Variants in SAMD12 observed in about 807,000 individuals in gnomAD.
SAMD12 encodes sterile alpha motif domain-containing protein 12.
Under a neutral mutation model 15.0 loss-of-function variants are expected in SAMD12, and 9 were observed. The observed-to-expected ratio is 0.60, with a 90% CI of 0.36 to 1.05. The LOEUF (loss-of-function observed/expected upper bound fraction) is 1.05. Among genes scored for constraint, SAMD12 ranks in the 50% least tolerant of loss-of-function variants. The probability of loss-of-function intolerance (pLI) is 0.01; values close to 1 mark genes in which losing one functional copy is unlikely to be tolerated. For synonymous variants in SAMD12, 86 were observed against 90.1 expected (o/e 0.96, Z 0.25); for missense variants, 230 against 234.2 (o/e 0.98, Z 0.12).
intron 4 of SAMD12, among the ~76,000 whole-genome samples, chr8:118,301,360 C>T (rs985931890): frequency 1.3e-5 from 2 of 152,062 alleles, no homozygotes; most frequent in Non-Finnish European, 2.9e-5. Flanking sequence ...TTCTCTTGAC[C>T]CATTGACTAA....
At chr8:118,138,921 C>T in the SAMD12 span, among the ~76,000 whole-genome samples, 1 of 152,198 alleles carries the variant, frequency 6.6e-6, no homozygotes, top group African/African-American at 2.4e-5. Context: ...AATACCGACA[C>T]TAAGGAGAGT....
chr8:118,227,179 G>A (rs1353982981), intron 4 of SAMD12, among the ~76,000 whole-genome samples: 1 of 152,146 alleles, frequency 6.6e-6, no homozygotes, highest in Non-Finnish European at 1.5e-5. Context: ...GAAATACTGT[G>A]CTGCCATAAA....
At chr8:118,189,453 G>C (rs538174194), downstream of SAMD12, 11 of 152,002 alleles carry the variant, frequency 7.2e-5, no homozygotes, top group Non-Finnish European at 1.2e-4. Flanking sequence ...GAATCAAAAC[G>C]CTTTTACACG....
chr8:118,551,650 A>T (rs1826338724), intron 2 of SAMD12, among the ~76,000 whole-genome samples: 2 of 151,552 alleles, frequency 1.3e-5, no homozygotes, highest in South Asian at 4.2e-4. Context: ...TTCAAAAGCT[A>T]GCAGAAGGCA....
chr8:118,309,378 A>ATGTG (rs1360473888), intron 4 of SAMD12, among the ~76,000 whole-genome samples: 12 of 118,344 alleles, frequency 1.0e-4, no homozygotes, highest in African/African-American at 4.2e-4. Flanking sequence ...TTTGAGATAT[A>ATGTG]TATGTGTGTG....
At chr8:118,376,299 T>C (rs947053164), downstream of SAMD12, among the ~76,000 whole-genome samples, 1 of 152,194 alleles carries the variant, frequency 6.6e-6, no homozygotes, top group Non-Finnish European at 1.5e-5. Flanking sequence ...TCAAAATTTA[T>C]GTATTGAAAT....
chr8:118,227,761 G>A (rs1171950473), intron 4 of SAMD12, among the ~76,000 whole-genome samples: 1 of 152,080 alleles, frequency 6.6e-6, no homozygotes, highest in Non-Finnish European at 1.5e-5. Flanking sequence ...CCACACAAAA[G>A]CAGATCTCAA....
intron 4 of SAMD12, among the ~76,000 whole-genome samples, chr8:118,310,883 T>C (rs1046131920): frequency 1.3e-5 from 2 of 152,212 alleles, no homozygotes; most frequent in African/African-American, 2.4e-5. Flanking sequence ...AGATAGATAG[T>C]TTGTTGAGGG....
exon 5 of SAMD12, chr8:118,190,074 C>T (rs1042396762): frequency 6.6e-6 from 1 of 151,734 alleles, no homozygotes; most frequent in Admixed American, 6.6e-5. Context: ...TAACTACTCA[C>T]TTAAGGAAGT....
intron 4 of SAMD12, among the ~76,000 whole-genome samples, chr8:118,276,467 C>T (rs1050654221): frequency 5.9e-5 from 9 of 152,084 alleles, no homozygotes; most frequent in Non-Finnish European, 1.3e-4. Context: ...AATTTCTACC[C>T]TTTAGGTTCA....
At chr8:118,425,334 G>T (rs1822197812) in intron 3 of SAMD12, among the ~76,000 whole-genome samples, 1 of 152,062 alleles carries the variant, frequency 6.6e-6, no homozygotes, top group Non-Finnish European at 1.5e-5. Flanking sequence ...CCAAAAACAT[G>T]CAAAACCAAA....
chr8:118,461,849 G>C (rs1025276831), intron 2 of SAMD12, among the ~76,000 whole-genome samples: 1 of 152,160 alleles, frequency 6.6e-6, no homozygotes, highest in Non-Finnish European at 1.5e-5. Context: ...GGCTAGTTTT[G>C]CTTTATTGAA....
intron 2 of SAMD12, among the ~76,000 whole-genome samples, chr8:118,444,202 GC>G (rs1251979766): frequency 2.6e-5 from 4 of 151,988 alleles, no homozygotes; most frequent in Non-Finnish European, 5.9e-5. Context: ...AAAACATCCT[GC>G]CCAATGGCAA....
intron 4 of SAMD12, among the ~76,000 whole-genome samples, chr8:118,343,515 C>T (rs1351815399): frequency 1.3e-5 from 2 of 152,014 alleles, no homozygotes; most frequent in Non-Finnish European, 2.9e-5. Flanking sequence ...TAGAGTATCC[C>T]AGCAGTCACA....
intron 2 of SAMD12, among the ~76,000 whole-genome samples, chr8:118,518,896 T>C (rs1825316822): frequency 6.6e-6 from 1 of 152,200 alleles, no homozygotes; most frequent in Admixed American, 6.5e-5. Context: ...GTACACAGCA[T>C]GCATTCAATA....
chr8:118,179,936 A>G, the SAMD12 span, among the ~76,000 whole-genome samples: 2 of 152,238 alleles, frequency 1.3e-5, no homozygotes, highest in African/African-American at 4.8e-5. Context: ...TAGCGTGGCC[A>G]CTGAAGATGA....
At chr8:118,414,433 T>G (rs1821583123) in intron 3 of SAMD12, among the ~76,000 whole-genome samples, 1 of 152,170 alleles carries the variant, frequency 6.6e-6, no homozygotes, top group African/African-American at 2.4e-5. Context: ...TTAACATCTG[T>G]TGAGAAAAAA....
intron 1 of SAMD12, among the ~76,000 whole-genome samples, chr8:118,615,707 C>T (rs1048294294): frequency 6.6e-6 from 1 of 152,180 alleles, no homozygotes; most frequent in Admixed American, 6.5e-5. Context: ...CACAGCTACA[C>T]CAGCAAAGGT....
At chr8:118,618,755 C>T (rs1450715424) in intron 1 of SAMD12, among the ~76,000 whole-genome samples, 1 of 150,766 alleles carries the variant, frequency 6.6e-6, no homozygotes, top group African/African-American at 2.4e-5. Context: ...AGGAAAATGG[C>T]GTGAACCCGG....
Sources: allele counts gnomAD v4.1 joint callset (sites outside exome capture counted in the v4.1 genomes callset), GRCh38; gene constraint gnomAD v4.1.1; transcripts MANE v1.5; gene names NCBI Gene and HGNC (gene_info 2026-07-23, HGNC 2026-07-21).